FERMT2: variants seen among roughly 807,000 people sequenced by gnomAD.
FERMT2 encodes FERM domain containing kindlin 2.
In FERMT2, 15 loss-of-function variants were observed where a neutral mutation model predicts 82.7. That is an observed-to-expected ratio of 0.18 (90% CI 0.12 to 0.28). FERMT2 has a LOEUF of 0.28. Among genes scored for constraint, FERMT2 ranks in the 10% least tolerant of loss-of-function variants. The pLI is 1.00. For synonymous variants in FERMT2, 274 were observed against 271.5 expected (o/e 1.01, Z -0.09); for missense variants, 645 against 809.4 (o/e 0.80, Z 2.46).
intron 12 of FERMT2, chr14:52,861,069 C>CAGAA: frequency 6.8e-7 from 1 of 1,472,140 alleles, no homozygotes; most frequent in Non-Finnish European, 9.0e-7. Context: ...AAAAAGGAAG[C>CAGAA]AGAAAGAAAA....
chr14:52,880,399 T>G (rs1185783781), intron 6 of FERMT2, among the ~76,000 whole-genome samples: 1 of 152,208 alleles, frequency 6.6e-6, no homozygotes, highest in Admixed American at 6.5e-5. Context: ...CTTTGCCAAT[T>G]CTTTTTTTTG....
intron 3 of FERMT2, among the ~76,000 whole-genome samples, chr14:52,903,253 G>A (rs1257081376): frequency 1.3e-5 from 2 of 151,936 alleles, no homozygotes; most frequent in Admixed American, 6.6e-5. Context: ...AACACTATTA[G>A]GAGGCCAGGC....
At chr14:52,923,056 C>T (rs915315055) in intron 2 of FERMT2, among the ~76,000 whole-genome samples, 2 of 152,054 alleles carry the variant, frequency 1.3e-5, no homozygotes, top group African/African-American at 2.4e-5. Flanking sequence ...AACTGCAACA[C>T]AGTGATAAAT....
rs189588276 is a variant in FERMT2 at position 52,861,025 on chromosome 14, T to C, written c.1603-560A>G. On this transcript the variant is annotated intron_variant, in intron 12 of 14. Transcript: ENST00000341590. The stretch of plus-strand genomic sequence containing the variant: ...TATGGAGAACTTACCAAATCTCTTA[T>C]ATAGCCTGGCTGTAGATGGCAATGC... 2.4e-4 allele frequency: 364 copies of C among 1,520,080 alleles called. No homozygotes were observed. The African/African-American group carries it at 4.8e-3, about 20-fold the overall frequency. The allele number at this position is 1,520,080 out of a possible 1,614,324, so 94.2% of individuals were successfully genotyped here.
At chr14:52,865,442 T>C (rs545390003) in intron 10 of FERMT2, among the ~76,000 whole-genome samples, 1 of 152,194 alleles carries the variant, frequency 6.6e-6, no homozygotes, top group African/African-American at 2.4e-5. Context: ...TACAGTGAAG[T>C]AGAGCTCTGC....
intron 3 of FERMT2, among the ~76,000 whole-genome samples, chr14:52,916,878 T>A (rs145863864): frequency 7.2e-5 from 11 of 152,276 alleles, no homozygotes; most frequent in African/African-American, 2.2e-4. Flanking sequence ...TTCTCAAAAA[T>A]GGACAAATGA....
intron 2 of FERMT2, among the ~76,000 whole-genome samples, chr14:52,945,844 A>G (rs748317700): frequency 5.9e-5 from 9 of 152,240 alleles, no homozygotes; most frequent in Non-Finnish European, 1.3e-4. Flanking sequence ...AATTGTACAC[A>G]TAAGTTTTAA....
At chr14:52,924,837 G>A (rs1362698221) in intron 2 of FERMT2, among the ~76,000 whole-genome samples, 2 of 152,066 alleles carry the variant, frequency 1.3e-5, no homozygotes, top group Non-Finnish European at 2.9e-5. Context: ...TTTTAAAAAG[G>A]GAAAGCTATT....
chr14:52,927,990 T>TA lies in FERMT2; in HGVS notation c.158-8635dup, dbSNP rs1352980550. The TA allele has an allele frequency of 8.7e-5, 33 of 378,242 alleles. No homozygotes were observed. In the Admixed American group the frequency reaches 9.5e-4, roughly 11 times the overall value. The allele number at this position is 378,242 out of a possible 1,614,324, so 23.4% of individuals were successfully genotyped here. On this transcript the variant is annotated intron_variant, in intron 2 of 14. Coordinates refer to ENST00000341590, the MANE Select transcript of FERMT2 (RefSeq NM_006832.3). ...AGAGAAAAATGAAGTAATTCTTTTT[T>TA]AAAAAAAGAAAGTTGATCAAATAAC...
intron 3 of FERMT2, among the ~76,000 whole-genome samples, chr14:52,905,026 C>T (rs113980703): frequency 2.0e-5 from 3 of 151,522 alleles, no homozygotes; most frequent in African/African-American, 7.3e-5. Context: ...CTCATCTCTA[C>T]TAAAAATACA....
chr14:52,914,352 A>G (rs1260765742), intron 3 of FERMT2, among the ~76,000 whole-genome samples: 1 of 152,122 alleles, frequency 6.6e-6, no homozygotes, highest in Non-Finnish European at 1.5e-5. Flanking sequence ...CCTGGGTGAC[A>G]GAGCAAGATA....
Position 52,858,518 on chromosome 14 carries a change from C to T in FERMT2, c.1902G>A (p.Leu634=), listed in dbSNP as rs367840082. 1 of 1,614,080 alleles carries T rather than the reference C, an allele frequency of 6.2e-7. No homozygotes were observed. The highest frequency in any genetic ancestry group is 8.5e-7 in the Non-Finnish European group (1 of 1,179,990). Residue 634 remains leucine (L), a synonymous_variant, in exon 15 of 15, where the codon TTG becomes TTA. Transcript: ENST00000341590. ...AATCTACTTCAGTACAAATGAAGGA[C>T]AATCGTACTTCATCTGCAAACTCTA... is the stretch of plus-strand genomic sequence containing the variant. ...VTVEFADEVR[L]SFICTEVDCK... is the part of the protein sequence containing the mutation.
intron 7 of FERMT2, among the ~76,000 whole-genome samples, chr14:52,876,105 TAATC>T (rs1248417446): frequency 6.6e-6 from 1 of 152,238 alleles, no homozygotes; most frequent in Non-Finnish European, 1.5e-5. Context: ...CTTTAAATCT[TAATC>T]AATTACCTTT....
chr14:52,883,925 T>G (rs1024607182), intron 4 of FERMT2, among the ~76,000 whole-genome samples: 3 of 152,186 alleles, frequency 2.0e-5, no homozygotes, highest in African/African-American at 7.2e-5. Flanking sequence ...GTAAGTTTCC[T>G]GAGGCCTCCC....
intron 2 of FERMT2, among the ~76,000 whole-genome samples, chr14:52,931,942 T>A (rs1230319856): frequency 6.6e-6 from 1 of 152,004 alleles, no homozygotes; most frequent in East Asian, 1.9e-4. Context: ...GGCAGGAGAA[T>A]CACCTGAACC....
chr14:52,892,981 G>A (rs184146428), intron 4 of FERMT2, among the ~76,000 whole-genome samples: 1 of 152,146 alleles, frequency 6.6e-6, no homozygotes, highest in Non-Finnish European at 1.5e-5. Context: ...TTTCAGGACA[G>A]AGAAAAATGC....
At position 52,950,561 on chromosome 14, in the gene FERMT2, A is replaced by G; in HGVS notation, c.8T>C (p.Leu3Pro). The change falls in exon 2 of 15, where the codon CTG becomes CCG. Residue 3 changes from leucine to proline, a missense_variant. By Grantham distance (98) the Leu-to-Pro change is moderately conservative. Coordinates refer to ENST00000341590, the MANE Select transcript of FERMT2 (RefSeq NM_006832.3). The part of the protein sequence containing the change: MA[L>P]DGIRMPDGCY... ...GCCATCTGGCATCCTTATCCCGTCC[A>G]GAGCCATGGCTCCTTCCTGCGAGCG... The G allele has an allele frequency of 6.2e-7, 1 of 1,613,622 alleles. No individual in the cohort carries two copies. Among genetic ancestry groups the G allele is most frequent in the Non-Finnish European group, 8.5e-7 (1 of 1,179,792 alleles).
chr14:52,943,494 A>T (rs1890189493), intron 2 of FERMT2, among the ~76,000 whole-genome samples: 1 of 152,192 alleles, frequency 6.6e-6, no homozygotes, highest in Admixed American at 6.5e-5. Flanking sequence ...GGATGGGAAA[A>T]AAACAAAGGC....
rs78933730 is a variant in FERMT2 at position 52,890,608 on chromosome 14, C to CTT, written c.526+2683_526+2684dup. Reference sequence around the variant, plus strand: ...TTACATAGACATAATCTTTTATCCTCTTTTTTTTTTTTTGAGACAGAGTCT... The same window carrying CTT: ...TTACATAGACATAATCTTTTATCCTCTTTTTTTTTTTTTTTGAGACAGAGTCT... On this transcript the variant is annotated intron_variant, in intron 4 of 14. Coordinates refer to ENST00000341590, the MANE Select transcript of FERMT2 (RefSeq NM_006832.3). Among the ~76,000 whole-genome samples, 378 of 140,418 alleles carry CTT rather than the reference C, an allele frequency of 2.7e-3. 1 individual carries two copies. Among genetic ancestry groups the CTT allele is most frequent in the Middle Eastern group, 7.2e-3 (2 of 276 alleles). 92.1% of individuals were successfully genotyped at this position (140,418 alleles called of 152,430 possible). A position where few individuals can be genotyped will look rare whatever the true frequency, so the allele number is the denominator to read the frequency against.
Sources: gnomAD v4.1 joint callset for allele counts (sites outside exome capture counted in the v4.1 genomes callset) on GRCh38, gnomAD v4.1.1 for gene constraint, MANE v1.5 for transcripts, NCBI Gene and HGNC (gene_info 2026-07-23, HGNC 2026-07-21) for gene names.